Variants in SIPA1L3 observed in about 807,000 individuals in gnomAD.
SIPA1L3 encodes signal-induced proliferation-associated 1-like protein 3.
Under a neutral mutation model 150.1 loss-of-function variants are expected in SIPA1L3, and 59 were observed. That is an observed-to-expected ratio of 0.39 (90% confidence interval 0.32 to 0.49). The LOEUF (loss-of-function observed/expected upper bound fraction) is 0.49. Ranked by LOEUF, SIPA1L3 falls within the 20% of genes least tolerant of loss-of-function variation. SIPA1L3 has a pLI of 0.86. For synonymous variants in SIPA1L3, 1,070 were observed against 1,077.6 expected (o/e 0.99, Z 0.14); for missense variants, 2,211 against 2,489.5 (o/e 0.89, Z 2.38).
chr19:38,166,934 G>GT (rs1012510787), intron 15 of SIPA1L3, among the ~76,000 whole-genome samples: 6 of 148,508 alleles, frequency 4.0e-5, no homozygotes, highest in African/African-American at 1.0e-4. Flanking sequence ...AAATATCTAT[G>GT]TTAAAAAAAA....
At chr19:38,105,914 C>G (rs895656094) in intron 6 of SIPA1L3, among the ~76,000 whole-genome samples, 3 of 152,180 alleles carry the variant, frequency 2.0e-5, no homozygotes, top group African/African-American at 7.2e-5. Flanking sequence ...TCAATTAAGC[C>G]TATCTTCAGG....
intron 1 of SIPA1L3, among the ~76,000 whole-genome samples, chr19:37,954,319 T>G (rs1295225883): frequency 2.0e-5 from 3 of 152,212 alleles, no homozygotes; most frequent in African/African-American, 7.2e-5. Flanking sequence ...AGAAAGATAC[T>G]TAAGTCAGGG....
chr19:38,182,136 C>CAAAAAAAAAAAAA (rs4006822), intron 15 of SIPA1L3, among the ~76,000 whole-genome samples: 3 of 130,074 alleles, frequency 2.3e-5, no homozygotes, highest in Admixed American at 7.5e-5. Context: ...GACCCTGTCT[C>CAAAAAAAAAAAAA]AAAAAAAAAA....
intron 8 of SIPA1L3, among the ~76,000 whole-genome samples, chr19:38,111,573 C>T (rs767514595): frequency 2.6e-5 from 4 of 152,164 alleles, no homozygotes; most frequent in South Asian, 2.1e-4. Context: ...GTAGTCACCG[C>T]GAAATTACCG....
In SIPA1L3 at chr19:38,088,717, T is replaced by A. The variant is rs1970194739; in HGVS notation, c.1535-4T>A. 6.2e-7 allele frequency: 1 copy of A among 1,613,166 alleles called. No individual in the cohort carries two copies. The highest frequency in any genetic ancestry group is 1.1e-5 in the South Asian group (1 of 91,048). ...GCCTGAACTCGCCTGCTCTTCCTTC[T>A]TAGAACATGCCAATTACTTCGGCGT... is the stretch of plus-strand genomic sequence containing the variant. On this transcript the variant is annotated splice_region_variant and splice_polypyrimidine_tract_variant and intron_variant, in intron 3 of 21. Coordinates refer to ENST00000222345, the MANE Select transcript of SIPA1L3 (RefSeq NM_015073.3).
rs376108298 is a variant in SIPA1L3 at position 38,006,478 on chromosome 19, G to A, written c.-378-22611G>A. ...TATTGGCATGAGAATACTCTCCAGG[G>A]AGATGACAGTCCCCCACACTGACAT... On this transcript the variant is annotated intron_variant, in intron 1 of 21. Coordinates refer to ENST00000222345, the MANE Select transcript of SIPA1L3 (RefSeq NM_015073.3). 6.6e-5 allele frequency among the ~76,000 whole-genome samples: 10 copies of A among 152,316 alleles called. No individual in the cohort carries two copies. The South Asian group carries it at 1.7e-3, about 25-fold the overall frequency.
chr19:38,058,357 C>T (rs1442590070), intron 2 of SIPA1L3, among the ~76,000 whole-genome samples: 1 of 152,140 alleles, frequency 6.6e-6, no homozygotes, highest in African/African-American at 2.4e-5. Context: ...TAACAGTAGC[C>T]TGGCCCCACA....
chr19:38,081,526 A>G lies in SIPA1L3; in HGVS notation c.-40A>G, dbSNP rs1245903931. The stretch of plus-strand genomic sequence containing the variant: ...CTGGGGGACCCCATAGAGTGACACC[A>G]CAGCGTACGGGGCCAGCAGCACTCC... On this transcript the variant is annotated 5_prime_UTR_variant, in exon 3 of 22. Coordinates refer to ENST00000222345, the MANE Select transcript of SIPA1L3 (RefSeq NM_015073.3). 2.0e-6 allele frequency: 3 copies of G among 1,523,684 alleles called. No homozygotes were observed. Among genetic ancestry groups the G allele is most frequent in the Non-Finnish European group, 2.7e-6 (3 of 1,129,334 alleles). The allele number at this position is 1,523,684 out of a possible 1,614,324, so 94.4% of individuals were successfully genotyped here.
At chr19:38,185,828 ACT>A (rs1212346390) in intron 16 of SIPA1L3, 2 of 151,546 alleles carry the variant, frequency 1.3e-5, no homozygotes, top group African/African-American at 2.4e-5. Context: ...CTCTGTAAAG[ACT>A]CTGTCTCCAA....
At chr19:38,123,380 G>A (rs1053986119) in intron 9 of SIPA1L3, among the ~76,000 whole-genome samples, 14 of 149,962 alleles carry the variant, frequency 9.3e-5, no homozygotes, top group Non-Finnish European at 1.6e-4. Flanking sequence ...GTGAACAAAG[G>A]TCTCTGGTTT....
intron 1 of SIPA1L3, among the ~76,000 whole-genome samples, chr19:37,928,629 A>G (rs915500132): frequency 2.6e-5 from 4 of 152,166 alleles, no homozygotes; most frequent in Non-Finnish European, 5.9e-5. Context: ...AGGGCTAGGT[A>G]AAACACAGAT....
chr19:37,923,711 G>C (rs939051621), intron 1 of SIPA1L3, among the ~76,000 whole-genome samples: 2 of 151,450 alleles, frequency 1.3e-5, no homozygotes, highest in African/African-American at 4.9e-5. Context: ...GTAGCTTACT[G>C]CAACTTGTTT....
At chr19:37,963,306 C>T (rs1568481174) in intron 1 of SIPA1L3, among the ~76,000 whole-genome samples, 1 of 152,212 alleles carries the variant, frequency 6.6e-6, no homozygotes, top group Non-Finnish European at 1.5e-5. Context: ...TTGTGTGCAA[C>T]CTTGTATATA....
chr19:38,130,804 G>A, intron 10 of SIPA1L3, 32 bp downstream of exon 10: 3 of 1,568,556 alleles, frequency 1.9e-6, no homozygotes, highest in South Asian at 2.4e-5. Context: ...CCAGGTGGTG[G>A]GTGGCAGCTC....
intron 1 of SIPA1L3, among the ~76,000 whole-genome samples, chr19:38,007,739 A>G (rs1004144899): frequency 1.3e-5 from 2 of 152,018 alleles, no homozygotes; most frequent in Admixed American, 6.6e-5. Context: ...ACATGTGTGT[A>G]AGTATCTTGG....
At chr19:37,953,742 C>T (rs560518500) in intron 1 of SIPA1L3, among the ~76,000 whole-genome samples, 1 of 152,212 alleles carries the variant, frequency 6.6e-6, no homozygotes, top group Non-Finnish European at 1.5e-5. Context: ...TGACTCCTCG[C>T]TGCTGGCTGT....
chr19:38,125,409 GACCATGCCAGGC>G (rs377675319), intron 9 of SIPA1L3, among the ~76,000 whole-genome samples: 23 of 152,258 alleles, frequency 1.5e-4, no homozygotes, highest in African/African-American at 5.5e-4. Context: ...CTTGAGCAGG[GACCATGCCAGGC>G]ACCATGCCAG....
At chr19:37,954,785 C>T (rs1297234726) in intron 1 of SIPA1L3, among the ~76,000 whole-genome samples, 1 of 152,008 alleles carries the variant, frequency 6.6e-6, no homozygotes, top group African/African-American at 2.4e-5. Flanking sequence ...AAAAGTCACC[C>T]ATTCAGAATA....
At chr19:37,933,812 G>A (rs975434702) in intron 1 of SIPA1L3, among the ~76,000 whole-genome samples, 2 of 152,232 alleles carry the variant, frequency 1.3e-5, no homozygotes, top group Non-Finnish European at 2.9e-5. Context: ...GGGCAGCCTG[G>A]GTGCCTGTGG....
Sources: gnomAD v4.1 joint callset for allele counts (sites outside exome capture counted in the v4.1 genomes callset) on GRCh38, gnomAD v4.1.1 for gene constraint, MANE v1.5 for transcripts, NCBI Gene and HGNC (gene_info 2026-07-23, HGNC 2026-07-21) for gene names.